The following FBXO42 variants were observed in gnomAD, a reference collection of about 807,000 sequenced individuals.
FBXO42 encodes the protein F-box protein 42, also known as F-box only protein 42.
Under a neutral mutation model 71.7 loss-of-function variants are expected in FBXO42, and 12 were observed. The observed-to-expected ratio is 0.17, with a 90% CI of 0.11 to 0.27. FBXO42 has a LOEUF of 0.27. Ranked by LOEUF, FBXO42 falls within the 10% of genes least tolerant of loss-of-function variation. The pLI is 1.00. For synonymous variants in FBXO42, 325 were observed against 327.5 expected, an observed-to-expected ratio of 0.99 and a Z score of 0.08; for missense variants, 707 against 911.9, an observed-to-expected ratio of 0.78 and a Z score of 2.89.
rs780501004 is a variant in FBXO42 at position 16,251,211 on chromosome 1, T to C, written c.1613A>G (p.His538Arg). The C allele has an allele frequency of 2.5e-6, 4 of 1,614,166 alleles. No homozygotes were observed. The highest frequency in any genetic ancestry group is 3.4e-6 in the Non-Finnish European group (4 of 1,180,028). Reference protein sequence around the residue: ...RHPPEQTNGVHTPPHVASALA... With the variant: ...RHPPEQTNGVRTPPHVASALA... ...GGCACTGGCCACGTGAGGTGGGGTA[T>C]GCACACCATTTGTCTGTTCAGGAGG... The change falls in exon 10 of 10, where the codon CAT (histidine) becomes CGT (arginine). Residue 538 changes from histidine to arginine, a missense_variant. By Grantham distance (29) the His-to-Arg change is conservative. Around this residue, in one of 5 missense-constraint regions of FBXO42, gnomAD observed 482 missense variants for 587.1 expected, o/e 0.82. Coordinates refer to ENST00000375592, the MANE Select transcript of FBXO42 (RefSeq NM_018994.3). The surrounding 1 kb of genome is among the most constrained non-coding windows in gnomAD (Gnocchi z 4.5).
intron 1 of FBXO42, among the ~76,000 whole-genome samples, chr1:16,322,851 C>G (rs796788073): frequency 3.9e-5 from 6 of 152,312 alleles, no homozygotes; most frequent in African/African-American, 1.4e-4. Context: ...AGAAACTACT[C>G]TGAATTCATT....
intron 4 of FBXO42, chr1:16,294,483 A>G: frequency 3.3e-6 from 1 of 299,442 alleles, no homozygotes; most frequent in Non-Finnish European, 6.3e-6. Flanking sequence ...TCTTACTTCA[A>G]CCTCCTACCA....
chr1:16,306,313 A>T (rs560439572), intron 2 of FBXO42, among the ~76,000 whole-genome samples: 1 of 152,292 alleles, frequency 6.6e-6, no homozygotes, highest in East Asian at 1.9e-4. Flanking sequence ...CACCGCGCCC[A>T]GCCTATAAGA....
chr1:16,261,634 T>C (rs940129797), intron 4 of FBXO42, among the ~76,000 whole-genome samples: 39 of 152,098 alleles, frequency 2.6e-4, no homozygotes, highest in African/African-American at 9.2e-4. Context: ...ACAAATGAGG[T>C]GGCAGAGATC....
At position 16,251,522 on chromosome 1, in the gene FBXO42, G is replaced by A. The variant is rs148759078; in HGVS notation, c.1302C>T (p.Asp434=). Residue 434 remains aspartate, a synonymous_variant, in exon 10 of 10, where the codon GAC becomes GAT. Transcript: ENST00000375592. This position sits in a 1 kb window ranked among gnomAD's most constrained non-coding sequence, Gnocchi z 4.5. ...TCCCACCATTGAGGATAGGAGAGCC[G>A]TCTCCTCTGGCTGGGGAAAGGCTCC... ...REGSLSPARG[D]GSPILNGGSL... 6.5e-4 allele frequency: 1,045 copies of A among 1,614,108 alleles called. 1 individual carries two copies. The African/African-American group carries it at 0.012, about 19-fold the overall frequency.
At chr1:16,301,473 G>T (rs34545443) in intron 3 of FBXO42, among the ~76,000 whole-genome samples, 1 of 151,478 alleles carries the variant, frequency 6.6e-6, no homozygotes, top group Non-Finnish European at 1.5e-5. Flanking sequence ...GACCAGACTG[G>T]GCAATAGGGC....
intron 1 of FBXO42, among the ~76,000 whole-genome samples, chr1:16,351,696 G>A (rs1436473990): frequency 6.6e-6 from 1 of 152,128 alleles, no homozygotes; most frequent in African/African-American, 2.4e-5. Context: ...GTCACAGCAT[G>A]GATTGCTGTC....
At chr1:16,276,665 G>A (rs879122299) in intron 4 of FBXO42, among the ~76,000 whole-genome samples, 1 of 152,188 alleles carries the variant, frequency 6.6e-6, no homozygotes, top group African/African-American at 2.4e-5. Context: ...GATATACAAG[G>A]ATAAGGCATC....
intron 1 of FBXO42, among the ~76,000 whole-genome samples, chr1:16,342,448 G>A (rs1029576134): frequency 6.6e-6 from 1 of 151,084 alleles, no homozygotes; most frequent in Non-Finnish European, 1.5e-5. Context: ...TGGACACGGT[G>A]GCACCTGCTT....
intron 4 of FBXO42, among the ~76,000 whole-genome samples, chr1:16,281,121 C>T (rs563338970): frequency 6.6e-6 from 1 of 152,094 alleles, no homozygotes; most frequent in African/African-American, 2.4e-5. Flanking sequence ...CACCATCACA[C>T]CTGGCTAATT....
At chr1:16,302,264 C>T (rs970312810) in intron 3 of FBXO42, among the ~76,000 whole-genome samples, 2 of 152,006 alleles carry the variant, frequency 1.3e-5, no homozygotes, top group Non-Finnish European at 2.9e-5. Flanking sequence ...AAGGGCAGGC[C>T]GGGTGCGGTA....
chr1:16,333,936 C>A (rs2082525923), intron 1 of FBXO42, among the ~76,000 whole-genome samples: 1 of 152,092 alleles, frequency 6.6e-6, no homozygotes, highest in Non-Finnish European at 1.5e-5. Flanking sequence ...GCTATGATCT[C>A]AGGAAAATTG....
chr1:16,322,186 G>A (rs1163357942), intron 1 of FBXO42, among the ~76,000 whole-genome samples: 3 of 152,120 alleles, frequency 2.0e-5, no homozygotes, highest in African/African-American at 7.2e-5. Flanking sequence ...CTGGTTTATG[G>A]AATTTTGTAC....
intron 3 of FBXO42, among the ~76,000 whole-genome samples, chr1:16,298,967 G>C (rs1205424330): frequency 6.6e-6 from 1 of 152,042 alleles, no homozygotes; most frequent in Non-Finnish European, 1.5e-5. Flanking sequence ...TGTAGCAAAA[G>C]AACACAGTGC....
intron 3 of FBXO42, among the ~76,000 whole-genome samples, chr1:16,296,445 T>A (rs1166299561): frequency 6.7e-6 from 1 of 148,852 alleles, no homozygotes; most frequent in East Asian, 2.0e-4. Context: ...AGGTCAGGAG[T>A]TCGAGACCAG....
chr1:16,294,538 A>C (rs999073687), intron 4 of FBXO42: 9 of 459,456 alleles, frequency 2.0e-5, no homozygotes, highest in Non-Finnish European at 3.1e-5. Context: ...AAAACCATGC[A>C]AATGAATTCA....
chr1:16,256,164 C>T (rs960301664), intron 5 of FBXO42, among the ~76,000 whole-genome samples: 4 of 152,164 alleles, frequency 2.6e-5, no homozygotes, highest in African/African-American at 7.2e-5. Context: ...ACAAGCGCCA[C>T]GTACTAAGTC....
intron 3 of FBXO42, among the ~76,000 whole-genome samples, chr1:16,296,064 AC>A (rs1382549719): frequency 6.6e-6 from 1 of 152,170 alleles, no homozygotes; most frequent in African/African-American, 2.4e-5. Context: ...AAGGGCTGTT[AC>A]CCAAAAACTA....
At chr1:16,301,521 C>T (rs1022714988) in intron 3 of FBXO42, among the ~76,000 whole-genome samples, 2 of 151,312 alleles carry the variant, frequency 1.3e-5, no homozygotes, top group African/African-American at 4.9e-5. Context: ...AAATTAGCTG[C>T]GCGTGGTGGC....
Sources: allele counts gnomAD v4.1 joint callset (sites outside exome capture counted in the v4.1 genomes callset), GRCh38; gene constraint gnomAD v4.1.1; regional missense constraint gnomAD v4.1.1; non-coding constraint Gnocchi (gnomAD v3.1); transcripts MANE v1.5; gene names NCBI Gene and HGNC (gene_info 2026-07-23, HGNC 2026-07-21).